Variants in MRM3 observed in about 807,000 individuals in gnomAD.
The protein encoded by MRM3 is rRNA methyltransferase 3, mitochondrial.
In MRM3, 26 loss-of-function variants were observed where a neutral mutation model predicts 29.4. The ratio of observed to expected loss-of-function variants is 0.89; its 90% CI spans 0.65 to 1.23. The LOEUF (loss-of-function observed/expected upper bound fraction) is 1.23, where lower values mean the gene tolerates loss of function less well. Among genes scored for constraint, MRM3 ranks in the 50% most tolerant of loss-of-function variants. The pLI, the probability that MRM3 is intolerant of heterozygous loss-of-function variation, is 0.00. For synonymous variants in MRM3, 225 were observed against 219.0 expected (o/e 1.03, Z -0.24); for missense variants, 578 against 540.2 (o/e 1.07, Z -0.69).
rs779029787 is a variant in MRM3, at chr17:791,945, TCC to T, written c.1142_1143del (p.Pro381ArgfsTer45). On this transcript the variant is annotated frameshift_variant, in exon 4 of 4. Transcript: ENST00000304478. LOFTEE classifies it high-confidence loss of function. The stretch of plus-strand genomic sequence containing the variant: ...AGCACTGGTGGCAAGAGGCTGCTGA[TCC>T]CCGTTGTGCCTGGTGTGGACAGCCT... 6.2e-7 allele frequency: 1 copy of T among 1,614,028 alleles called. No individual in the cohort carries two copies. The highest frequency in any genetic ancestry group is 1.1e-5 in the South Asian group (1 of 91,086).
At chr17:788,976 T>C (rs1417741657) in intron 3 of MRM3, among the ~76,000 whole-genome samples, 1 of 152,214 alleles carries the variant, frequency 6.6e-6, no homozygotes, top group African/African-American at 2.4e-5. Flanking sequence ...CAGTCAATGT[T>C]GATTCTCTTT....
chr17:786,492 A>G (rs1910541279), intron 2 of MRM3, among the ~76,000 whole-genome samples: 1 of 151,914 alleles, frequency 6.6e-6, no homozygotes, highest in South Asian at 2.1e-4. Context: ...AGCCAGGATG[A>G]TCTTGATCTC....
chr17:791,261 C>CT (rs1416357607), intron 3 of MRM3, among the ~76,000 whole-genome samples: 2 of 152,112 alleles, frequency 1.3e-5, no homozygotes, highest in Non-Finnish European at 2.9e-5. Context: ...GGGTTGGGGA[C>CT]TTTCATTATC....
chr17:788,076 G>A lies in MRM3; in HGVS notation c.671G>A (p.Gly224Glu), dbSNP rs767032354. ...CDNLRDPGNL[G>E]TILRSAAGAG... ...AATCTCCGTGACCCTGGGAACCTGGGGACAATTCTGAGATCTGCAGCTGGG... is the reference window on the plus strand; with the variant it reads ...AATCTCCGTGACCCTGGGAACCTGGAGACAATTCTGAGATCTGCAGCTGGG... Residue 224 changes from glycine to glutamate, a missense_variant, in exon 3 of 4, where the codon GGG becomes GAG. By Grantham distance (98) the Gly-to-Glu change is moderately conservative. Coordinates refer to ENST00000304478, the MANE Select transcript of MRM3 (RefSeq NM_018146.4). The A allele has an allele frequency of 1.4e-5, 23 of 1,614,028 alleles. No individual in the cohort carries two copies. Among genetic ancestry groups the A allele is most frequent in the Non-Finnish European group, 8.5e-7 (1 of 1,180,048 alleles).
chr17:785,130 TTATACA>T (rs1910475773), intron 2 of MRM3, among the ~76,000 whole-genome samples: 1 of 152,062 alleles, frequency 6.6e-6, no homozygotes, highest in Non-Finnish European at 1.5e-5. Context: ...TATTTGATAA[TTATACA>T]TAAAGAGTTT....
chr17:784,406 A>G (rs56126138), intron 2 of MRM3, among the ~76,000 whole-genome samples: 6,077 of 152,272 alleles, frequency 0.04, 158 homozygotes, highest in Middle Eastern at 0.13. Context: ...CCTCTAATCC[A>G]CACGCCATGC....
At chr17:783,930 T>C (rs773535054) in intron 2 of MRM3, among the ~76,000 whole-genome samples, 16 of 152,334 alleles carry the variant, frequency 1.1e-4, no homozygotes, top group Non-Finnish European at 2.1e-4. Context: ...ACTGAAAGAT[T>C]GAGCCCTTCA....
chr17:784,669 G>A (rs1273313553), intron 2 of MRM3, among the ~76,000 whole-genome samples: 2 of 152,158 alleles, frequency 1.3e-5, no homozygotes, highest in African/African-American at 2.4e-5. Flanking sequence ...AGATTTGAGG[G>A]CAGGGAATAA....
rs1400750610 is a variant in MRM3, at chr17:782,473, C to G, written c.95C>G (p.Ala32Gly). 3.7e-6 allele frequency: 6 copies of G among 1,613,654 alleles called. No homozygotes were observed. The highest frequency in any genetic ancestry group is 5.1e-6 in the Non-Finnish European group (6 of 1,179,820). Reference protein sequence around the residue: ...WDLDARRWVRALRRSPVKVVF... With the variant: ...WDLDARRWVRGLRRSPVKVVF... ...CTTGACGCGAGGCGCTGGGTCCGGG[C>G]GCTGCGGCGGAGCCCAGTGAAAGTG... The change falls in exon 1 of 4, where the codon GCG (alanine) becomes GGG (glycine). Residue 32 changes from alanine to glycine, a missense_variant. Transcript: ENST00000304478.
At position 791,669 on chromosome 17, in the gene MRM3, A is replaced by G; in HGVS notation, c.863A>G (p.Asp288Gly). 1 of 1,614,206 alleles carries G rather than the reference A, an allele frequency of 6.2e-7. No individual in the cohort carries two copies. The highest frequency in any genetic ancestry group is 8.5e-7 in the Non-Finnish European group (1 of 1,180,028). Residue 288 changes from aspartate (D) to glycine (G), a missense_variant, in exon 4 of 4, where the codon GAC becomes GGC. Transcript: ENST00000304478. Reference sequence around the variant, plus strand: ...CCTGACACTCGGGTCTATGTGGCTGACAACTGTGGCCTTTATGCCCAGGCT... The same window carrying G: ...CCTGACACTCGGGTCTATGTGGCTGGCAACTGTGGCCTTTATGCCCAGGCT... ...LPPDTRVYVADNCGLYAQAEM... is the reference protein window; with the variant it reads ...LPPDTRVYVAGNCGLYAQAEM...
rs747400353 is a variant in MRM3 at position 783,069 on chromosome 17, A to G, written c.315-14A>G. On this transcript the variant is annotated splice_polypyrimidine_tract_variant and intron_variant, in intron 1 of 3. Coordinates refer to ENST00000304478, the MANE Select transcript of MRM3 (RefSeq NM_018146.4). Reference sequence around the variant, plus strand: ...TGATAGTTACCTGTTTTTTTTTTTTATTTCCATCTACAGCAGTGTAATGAC... The same window carrying G: ...TGATAGTTACCTGTTTTTTTTTTTTGTTTCCATCTACAGCAGTGTAATGAC... 3 of 1,520,826 alleles carry G rather than the reference A, an allele frequency of 2.0e-6. No homozygotes were observed. The highest frequency in any genetic ancestry group is 2.6e-6 in the Non-Finnish European group (3 of 1,136,664). The allele number at this position is 1,520,826 out of a possible 1,614,324, so 94.2% of individuals were successfully genotyped here.
chr17:783,613 A>T, intron 2 of MRM3: 1 of 296,964 alleles, frequency 3.4e-6, no homozygotes, highest in Non-Finnish European at 6.6e-6. Context: ...CTGGGATTAC[A>T]GGCGTGAGCC....
intron 3 of MRM3, among the ~76,000 whole-genome samples, chr17:791,127 G>A (rs895640123): frequency 6.6e-6 from 1 of 152,098 alleles, no homozygotes; most frequent in Admixed American, 6.6e-5. Context: ...TCTTTTAGAT[G>A]GTTTTCCTCA....
Position 792,269 on chromosome 17 carries a change from G to A in MRM3, c.*200G>A. ...TTCCTGTCGCGTCACTGATTTTGAGGTTCTTTTTTCTCTTGGTGACAATAG... is the reference window on the plus strand; with the variant it reads ...TTCCTGTCGCGTCACTGATTTTGAGATTCTTTTTTCTCTTGGTGACAATAG... On this transcript the variant is annotated 3_prime_UTR_variant, in exon 4 of 4. Coordinates refer to ENST00000304478, the MANE Select transcript of MRM3 (RefSeq NM_018146.4). 1 of 555,638 alleles carries A rather than the reference G, an allele frequency of 1.8e-6. No homozygotes were observed. The highest frequency in any genetic ancestry group is 3.7e-5 in the Admixed American group (1 of 26,904). The allele number at this position is 555,638 out of a possible 1,614,324, so 34.4% of individuals were successfully genotyped here.
chr17:782,612 G>A lies in MRM3; in HGVS notation c.234G>A (p.Glu78=), dbSNP rs538826324. Residue 78 remains glutamate (E), a synonymous_variant, in exon 1 of 4, where the codon GAG becomes GAA. Transcript: ENST00000304478. ...QEQREKQPLE[E]SASRAPSTWE... ...AACGAGAGAAACAACCGCTCGAGGA[G>A]TCCGCATCCCGCGCTCCCAGCACCT... 6.2e-7 allele frequency: 1 copy of A among 1,614,014 alleles called. No individual in the cohort carries two copies. The highest frequency in any genetic ancestry group is 1.3e-5 in the African/African-American group (1 of 75,064).
chr17:785,578 T>C (rs984978980), intron 2 of MRM3, among the ~76,000 whole-genome samples: 2 of 152,218 alleles, frequency 1.3e-5, no homozygotes, highest in Admixed American at 1.3e-4. Context: ...GCTGTACCCA[T>C]TCTAAAGCTC....
At chr17:784,703 A>G (rs1910450314) in intron 2 of MRM3, among the ~76,000 whole-genome samples, 1 of 152,214 alleles carries the variant, frequency 6.6e-6, no homozygotes, top group Non-Finnish European at 1.5e-5. Context: ...AGGAACTGGC[A>G]GCACCTGTCA....
At position 788,134 on chromosome 17, in the gene MRM3, T is replaced by A; in HGVS notation, c.727+2T>A. 6.2e-7 allele frequency: 1 copy of A among 1,613,894 alleles called. No homozygotes were observed. The highest frequency in any genetic ancestry group is 8.5e-7 in the Non-Finnish European group (1 of 1,179,932). On this transcript the variant is annotated splice_donor_variant, in intron 3 of 3. Transcript: ENST00000304478. LOFTEE classifies it high-confidence loss of function. Reference sequence around the variant, plus strand: ...GCAGCAAAGTGTTACTCACCAAAGGTAAGGACATCAAAGGCCAGGCATAGT... The same window carrying A: ...GCAGCAAAGTGTTACTCACCAAAGGAAAGGACATCAAAGGCCAGGCATAGT...
At chr17:783,432 G>C (rs1910339132) in intron 2 of MRM3, 105 bp downstream of exon 2, 1 of 1,165,310 alleles carries the variant, frequency 8.6e-7, no homozygotes, top group Non-Finnish European at 1.2e-6. Context: ...CGCCTCTCGG[G>C]TTCAAGGGAT....
Sources: gnomAD v4.1 joint callset for allele counts (sites outside exome capture counted in the v4.1 genomes callset) on GRCh38, gnomAD v4.1.1 for gene constraint, MANE v1.5 for transcripts, NCBI Gene and HGNC (gene_info 2026-07-23, HGNC 2026-07-21) for gene names.